Variants in UBR1 observed in about 807,000 individuals in gnomAD.
UBR1 encodes the protein E3 ubiquitin-protein ligase UBR1.
In UBR1, 102 loss-of-function variants were observed where a neutral mutation model predicts 242.1. That is an observed-to-expected ratio of 0.42 (90% CI 0.36 to 0.50). The LOEUF (loss-of-function observed/expected upper bound fraction) is 0.50. Ranked by LOEUF, UBR1 falls within the 20% of genes least tolerant of loss-of-function variation. The pLI is 0.01. For missense variants in UBR1, 1,772 were observed against 2,101.8 expected, an observed-to-expected ratio of 0.84 and a Z score of 3.07; for synonymous variants, 675 against 684.8, an observed-to-expected ratio of 0.99 and a Z score of 0.22.
intron 2 of UBR1, among the ~76,000 whole-genome samples, chr15:43,083,485 A>T (rs1038786071): frequency 4.6e-5 from 7 of 152,022 alleles, no homozygotes; most frequent in Admixed American, 2.6e-4. Flanking sequence ...GGTTCAAGTG[A>T]TTCTCGAACC....
chr15:42,995,800 T>A (rs997058305), intron 33 of UBR1, among the ~76,000 whole-genome samples: 14 of 152,360 alleles, frequency 9.2e-5, no homozygotes, highest in African/African-American at 3.4e-4. Context: ...CATTAGCACT[T>A]GTGGTAAAGG....
intron 5 of UBR1, among the ~76,000 whole-genome samples, chr15:43,070,397 G>A (rs1372173806): frequency 6.6e-6 from 1 of 151,846 alleles, no homozygotes; most frequent in Non-Finnish European, 1.5e-5. Flanking sequence ...GCTAAATGGA[G>A]ATACACTGTT....
intron 11 of UBR1, 134 bp from the exon 12 acceptor site, chr15:43,055,033 G>C (rs2033599967): frequency 1.9e-6 from 2 of 1,076,554 alleles, no homozygotes; most frequent in Non-Finnish European, 2.7e-6. Context: ...ACAGTCCTTA[G>C]TTTCACTGAA....
intron 44 of UBR1, among the ~76,000 whole-genome samples, chr15:42,952,800 G>C (rs1006548087): frequency 6.6e-6 from 1 of 152,110 alleles, no homozygotes; most frequent in African/African-American, 2.4e-5. Context: ...TGCCTCCTCT[G>C]TATTGTGTTA....
chr15:42,982,861 G>A (rs1415151666), intron 37 of UBR1, among the ~76,000 whole-genome samples: 2 of 152,136 alleles, frequency 1.3e-5, no homozygotes, highest in African/African-American at 2.4e-5. Flanking sequence ...TACCCTACTC[G>A]TGACATTTGG....
At chr15:43,102,360 C>T (rs944965698) in intron 1 of UBR1, among the ~76,000 whole-genome samples, 3 of 152,168 alleles carry the variant, frequency 2.0e-5, no homozygotes, top group African/African-American at 7.2e-5. Context: ...CACCAGACAT[C>T]CAAGTGAAGA....
At chr15:43,048,554 CAG>C in intron 12 of UBR1, 63 bp from the exon 13 acceptor site, 1 of 1,313,880 alleles carries the variant, frequency 7.6e-7, no homozygotes, top group South Asian at 1.2e-5. Context: ...TTAAGGTTCT[CAG>C]GGTTATAGAC....
Position 42,988,801 on chromosome 15 carries a change from T to C in UBR1, c.3997+18A>G. On this transcript the variant is annotated intron_variant, in intron 35 of 46. Coordinates refer to ENST00000290650, the MANE Select transcript of UBR1 (RefSeq NM_174916.3). ...ATTCTCACTGAAACCTCCAAACCAG[T>C]TTTCTTATGAGCTTTACCAATTGCC... The C allele has an allele frequency of 6.2e-7, 1 of 1,614,106 alleles. No individual in the cohort carries two copies. Among genetic ancestry groups the C allele is most frequent in the Non-Finnish European group, 8.5e-7 (1 of 1,180,026 alleles).
chr15:42,990,919 A>T (rs965466942), intron 33 of UBR1, among the ~76,000 whole-genome samples: 4 of 151,942 alleles, frequency 2.6e-5, no homozygotes, highest in African/African-American at 7.2e-5. Context: ...ATTTCCCGAC[A>T]TGAAATGGGT....
At chr15:43,002,376 G>C (rs1429354392) in intron 32 of UBR1, among the ~76,000 whole-genome samples, 179 bp downstream of exon 32, 1 of 151,792 alleles carries the variant, frequency 6.6e-6, no homozygotes. Context: ...CACCACACCT[G>C]GCTAATTTTT....
chr15:42,959,994 C>A (rs1217078047), intron 43 of UBR1, among the ~76,000 whole-genome samples: 4 of 152,182 alleles, frequency 2.6e-5, no homozygotes, highest in Non-Finnish European at 5.9e-5. Flanking sequence ...AAATTAGACA[C>A]CGTATACAAT....
chr15:43,016,964 A>T (rs1596103232), intron 28 of UBR1, 131 bp downstream of exon 28: 2 of 692,648 alleles, frequency 2.9e-6, no homozygotes, highest in East Asian at 5.5e-5. Flanking sequence ...TGAATAAAAG[A>T]TGGACAGATC....
At chr15:42,988,242 C>T (rs1354780703) in intron 35 of UBR1, among the ~76,000 whole-genome samples, 1 of 151,578 alleles carries the variant, frequency 6.6e-6, no homozygotes, top group Non-Finnish European at 1.5e-5. Flanking sequence ...TCATGCTGTT[C>T]CTTTAATATA....
chr15:43,017,217 T>C (rs951595384), intron 27 of UBR1, 36 bp from the exon 28 acceptor site: 2 of 1,414,912 alleles, frequency 1.4e-6, no homozygotes, highest in Non-Finnish European at 2.0e-6. Context: ...AAGAGTTAGT[T>C]AGACTGTTAG....
chr15:43,038,066 G>A, intron 16 of UBR1, 105 bp downstream of exon 16: 7 of 1,349,016 alleles, frequency 5.2e-6, no homozygotes, highest in Non-Finnish European at 6.3e-6. Context: ...TACTAAATGG[G>A]AATTCCTCAG....
chr15:43,041,487 C>T (rs537995428), intron 15 of UBR1, among the ~76,000 whole-genome samples: 1 of 152,106 alleles, frequency 6.6e-6, no homozygotes, highest in Non-Finnish European at 1.5e-5. Flanking sequence ...CCCCCCTATA[C>T]ATTAAATGAC....
rs575871872 is a variant in UBR1, at chr15:43,083,588, G to A, written c.339-872C>T. On this transcript the variant is annotated intron_variant, in intron 2 of 46. Coordinates refer to ENST00000290650, the MANE Select transcript of UBR1 (RefSeq NM_174916.3). ...GCAGAGACAGGGTTTCACCATGCTC[G>A]CCAGGCTGGTCTCGAACTCCTGACC... 4.0e-5 allele frequency among the ~76,000 whole-genome samples: 6 copies of A among 151,722 alleles called. No homozygotes were observed. The East Asian group carries it at 7.9e-4, about 20-fold the overall frequency.
intron 25 of UBR1, among the ~76,000 whole-genome samples, chr15:43,023,205 T>C (rs1320786219): frequency 6.6e-6 from 1 of 152,040 alleles, no homozygotes; most frequent in African/African-American, 2.4e-5. Context: ...AGTATAAAAA[T>C]AAGAAAGCTG....
At chr15:42,963,808 G>C in intron 42 of UBR1, 127 bp downstream of exon 42, 1 of 708,910 alleles carries the variant, frequency 1.4e-6, no homozygotes, top group Non-Finnish European at 2.5e-6. Context: ...GTGTAACTTA[G>C]GAATCTCCTA....
Sources: allele counts gnomAD v4.1 joint callset (sites outside exome capture counted in the v4.1 genomes callset), GRCh38; gene constraint gnomAD v4.1.1; transcripts MANE v1.5; gene names NCBI Gene and HGNC (gene_info 2026-07-23, HGNC 2026-07-21).